MMP20: variants seen among roughly 807,000 people sequenced by gnomAD.
The protein encoded by MMP20 is matrix metalloproteinase-20.
A neutral mutation model predicts 51.8 loss-of-function variants in MMP20; 50 were observed. The observed-to-expected ratio is 0.97, with a 90% CI of 0.77 to 1.22. The LOEUF (loss-of-function observed/expected upper bound fraction) is 1.22, where lower values mean the gene tolerates loss of function less well. MMP20 is among the 50% of genes most tolerant of loss of function. MMP20 has a pLI of 0.00. For synonymous variants in MMP20, 244 were observed against 216.2 expected, an observed-to-expected ratio of 1.13 and a Z score of -1.13; for missense variants, 663 against 601.4, an observed-to-expected ratio of 1.10 and a Z score of -1.07.
chr11:102,609,233 G>A, intron 4 of MMP20, 135 bp from the exon 5 acceptor site: 1 of 851,496 alleles, frequency 1.2e-6, no homozygotes, highest in Non-Finnish European at 1.9e-6. Context: ...TTCAAAGGTT[G>A]GTAGGTTATT....
intron 1 of MMP20, among the ~76,000 whole-genome samples, chr11:102,621,586 A>G (rs1381705413): frequency 6.6e-6 from 1 of 152,244 alleles, no homozygotes; most frequent in African/African-American, 2.4e-5. Flanking sequence ...TTTACTCATT[A>G]AGTCCATGTC....
chr11:102,595,039 A>G (rs747508911), intron 6 of MMP20, among the ~76,000 whole-genome samples: 17 of 151,716 alleles, frequency 1.1e-4, no homozygotes, highest in Non-Finnish European at 2.2e-4. Flanking sequence ...CTCCTGCCTC[A>G]GCTTCCCGAA....
At chr11:102,609,753 T>G in intron 4 of MMP20, 152 bp downstream of exon 4, 1 of 1,013,798 alleles carries the variant, frequency 9.9e-7, no homozygotes, top group Non-Finnish European at 1.5e-6. Context: ...TTTTCCCTTA[T>G]GTGATCCCTT....
intron 8 of MMP20, 66 bp downstream of exon 8, chr11:102,593,373 G>A (rs1859340100): frequency 6.4e-7 from 1 of 1,560,150 alleles, no homozygotes; most frequent in Non-Finnish European, 8.8e-7. Context: ...TCGTGGAAGG[G>A]TTTTTATCTT....
At chr11:102,605,486 T>G (rs1264797693) in intron 6 of MMP20, 2 of 151,866 alleles carry the variant, frequency 1.3e-5, no homozygotes, top group Non-Finnish European at 2.9e-5. Context: ...CCCAAAAGCA[T>G]ACAAGATAAG....
intron 3 of MMP20, 88 bp from the exon 4 acceptor site, chr11:102,610,118 A>G: frequency 1.4e-6 from 2 of 1,421,870 alleles, no homozygotes; most frequent in Non-Finnish European, 2.0e-6. Flanking sequence ...GGACATTTTG[A>G]GTAGCATTGA....
intron 6 of MMP20, chr11:102,605,168 A>C (rs1214222863): frequency 1.3e-5 from 2 of 152,238 alleles, no homozygotes; most frequent in Non-Finnish European, 2.9e-5. Context: ...CTCTCTGTAC[A>C]TGAAGGGATC....
intron 8 of MMP20, among the ~76,000 whole-genome samples, chr11:102,587,389 T>C (rs551498193): frequency 6.6e-6 from 1 of 152,338 alleles, no homozygotes; most frequent in African/African-American, 2.4e-5. Context: ...TTCTGGGGAA[T>C]GTTCCATGTT....
chr11:102,616,974 T>C lies in MMP20; in HGVS notation c.212A>G (p.Lys71Arg). ...AAAGAACGCTTGTAGCTCCTTAATC[T>C]TCCTTATCATGGAATTGCTTCCTCT... ...VARGSNSMIR[K>R]IKELQAFFGL... is the part of the protein sequence containing the mutation. The change falls in exon 2 of 10, where the codon AAG (lysine) becomes AGG (arginine). Residue 71 changes from lysine to arginine, a missense_variant. Coordinates refer to ENST00000260228, the MANE Select transcript of MMP20 (RefSeq NM_004771.4). 6.2e-7 allele frequency: 1 copy of C among 1,614,220 alleles called. No individual in the cohort carries two copies. Among genetic ancestry groups the C allele is most frequent in the Non-Finnish European group, 8.5e-7 (1 of 1,180,038 alleles).
In MMP20 at chr11:102,617,019, T is replaced by TG; in HGVS notation, c.166dup (p.Gln56ProfsTer4). 6.2e-7 allele frequency: 1 copy of TG among 1,614,166 alleles called. No homozygotes were observed. Among genetic ancestry groups the TG allele is most frequent in the Non-Finnish European group, 8.5e-7 (1 of 1,179,986 alleles). On this transcript the variant is annotated frameshift_variant, in exon 2 of 10. Coordinates refer to ENST00000260228, the MANE Select transcript of MMP20 (RefSeq NM_004771.4). LOFTEE classifies it high-confidence loss of function. ...TCCTCTTGCAACCATCTCACCAATC[T>TG]GGTGTCCTTCTTTATTTGTGTAATA...
At chr11:102,600,555 C>T (rs1859433480) in intron 6 of MMP20, among the ~76,000 whole-genome samples, 1 of 152,180 alleles carries the variant, frequency 6.6e-6, no homozygotes, top group East Asian at 1.9e-4. Context: ...GCAATCTCAG[C>T]TCACTGCAAC....
At chr11:102,612,909 A>G (rs576040878) in intron 2 of MMP20, among the ~76,000 whole-genome samples, 8 of 151,656 alleles carry the variant, frequency 5.3e-5, no homozygotes, top group Admixed American at 3.9e-4. Context: ...GCTAATTTTT[A>G]TATTTTTGGT....
chr11:102,619,794 T>C (rs1859724891), intron 1 of MMP20, among the ~76,000 whole-genome samples: 1 of 152,064 alleles, frequency 6.6e-6, no homozygotes, highest in Non-Finnish European at 1.5e-5. Flanking sequence ...TTTTTTACTA[T>C]GAACCTGCGT....
chr11:102,612,557 A>G (rs1313361169), intron 2 of MMP20, among the ~76,000 whole-genome samples: 2 of 152,130 alleles, frequency 1.3e-5, no homozygotes, highest in Non-Finnish European at 2.9e-5. Flanking sequence ...TTTCATTGAG[A>G]GAGGACCTCT....
chr11:102,593,655 A>G, intron 7 of MMP20, 60 bp from the exon 8 acceptor site: 4 of 1,581,210 alleles, frequency 2.5e-6, no homozygotes, highest in Non-Finnish European at 3.5e-6. Context: ...CACTTCTCTC[A>G]TAAAGATTTC....
At chr11:102,608,561 T>C (rs1228024408) in intron 5 of MMP20, among the ~76,000 whole-genome samples, 1 of 152,218 alleles carries the variant, frequency 6.6e-6, no homozygotes, top group Admixed American at 6.5e-5. Context: ...ATTTTAATCA[T>C]GATTGCTATT....
At chr11:102,590,966 A>G (rs770976438) in intron 8 of MMP20, among the ~76,000 whole-genome samples, 2 of 152,238 alleles carry the variant, frequency 1.3e-5, no homozygotes, top group Non-Finnish European at 2.9e-5. Context: ...AGCCTGCCAT[A>G]CTGGCTCTAA....
intron 8 of MMP20, among the ~76,000 whole-genome samples, chr11:102,592,350 G>A (rs1459943168): frequency 1.3e-5 from 2 of 152,168 alleles, no homozygotes; most frequent in South Asian, 4.1e-4. Context: ...TGCTTCCAGG[G>A]CTCTCAGTGG....
At chr11:102,612,989 A>G (rs772984030) in intron 2 of MMP20, among the ~76,000 whole-genome samples, 24 of 152,104 alleles carry the variant, frequency 1.6e-4, no homozygotes, top group Non-Finnish European at 3.5e-4. Context: ...CGCCCTCCTC[A>G]GCCTCCCAAA....
Sources: allele counts gnomAD v4.1 joint callset (sites outside exome capture counted in the v4.1 genomes callset), GRCh38; gene constraint gnomAD v4.1.1; transcripts MANE v1.5; gene names NCBI Gene and HGNC (gene_info 2026-07-23, HGNC 2026-07-21).